RAET1E: variants seen among roughly 807,000 people sequenced by gnomAD.
RAET1E encodes retinoic acid early transcript 1E, also known as NKG2D ligand 4.
A neutral mutation model predicts 21.1 loss-of-function variants in RAET1E; 27 were observed. The observed-to-expected ratio is 1.28, with a 90% confidence interval of 0.94 to 1.76. The LOEUF is 1.76. RAET1E is among the 40% of genes most tolerant of loss of function. The pLI is 0.00. For missense variants in RAET1E, 310 were observed against 311.3 expected, an observed-to-expected ratio of 1.00 and a Z score of 0.03; for synonymous variants, 113 against 115.0, an observed-to-expected ratio of 0.98 and a Z score of 0.11.
In RAET1E at chr6:149,889,621, G is replaced by A; in HGVS notation, c.349C>T (p.Pro117Ser). The change falls in exon 5 of 6, where the codon CCT becomes TCT. Residue 117 changes from proline to serine, a missense_variant and splice_region_variant. Transcript: ENST00000357183. ...AACATCTCGACTTGCAGAGTGGAAG[G>A]ATCTGCAATCCAAACACAAAGCCAT... ...DIKPQIKTSD[P>S]STLQVEMFCQ... The A allele has an allele frequency of 6.2e-7, 1 of 1,613,802 alleles. No individual in the cohort carries two copies.
rs1020439793 is a variant in RAET1E at position 149,895,043 on chromosome 6, G to A, written c.-134+803C>T. 5.9e-5 allele frequency among the ~76,000 whole-genome samples: 9 copies of A among 152,162 alleles called. 1 individual carries two copies. Among genetic ancestry groups the A allele is most frequent in the African/African-American group, 1.7e-4 (7 of 41,436 alleles). ...TGCTGCCAGTCTGCTGGAGTTTGCC[G>A]GTGGTCCACTCCCAACCCTGTTTAC... On this transcript the variant is annotated intron_variant, in intron 2 of 5. Coordinates refer to ENST00000357183, the MANE Select transcript of RAET1E (RefSeq NM_001394057.1).
In RAET1E at chr6:149,889,525, G is replaced by A; in HGVS notation, c.445C>T (p.Leu149Phe). Reference protein sequence around the residue: ...QFATNGEKSLLFDAMNMTWTV... With the variant: ...QFATNGEKSLFFDAMNMTWTV... ...CAGGTCATGTTCATTGCGTCAAAGA[G>A]GAGGGATTTCTCTCCATTGGTGGCG... The change falls in exon 5 of 6, where the codon CTC becomes TTC. Residue 149 changes from leucine (L) to phenylalanine (F), a missense_variant. Leu to Phe is a conservative substitution (Grantham distance 22). Transcript: ENST00000357183. 6.2e-7 allele frequency: 1 copy of A among 1,614,160 alleles called. No individual in the cohort carries two copies. Among genetic ancestry groups the A allele is most frequent in the African/African-American group, 1.3e-5 (1 of 75,030 alleles).
Position 149,887,383 on chromosome 6 carries a change from C to T in RAET1E, c.*1115G>A, listed in dbSNP as rs1777655340. On this transcript the variant is annotated 3_prime_UTR_variant, in exon 6 of 6. Coordinates refer to ENST00000357183, the MANE Select transcript of RAET1E (RefSeq NM_001394057.1). ...GCAGCTCTGTGGGTGGGACCCCTTC[C>T]TATCTCAGCATATTCACTCCCTGGG... Among the ~76,000 whole-genome samples the T allele has an allele frequency of 6.6e-6, 1 of 152,142 alleles. No individual in the cohort carries two copies. Among genetic ancestry groups the T allele is most frequent in the Non-Finnish European group, 1.5e-5 (1 of 68,022 alleles).
chr6:149,892,257 G>A (rs762879016), intron 2 of RAET1E, among the ~76,000 whole-genome samples: 6 of 152,076 alleles, frequency 3.9e-5, no homozygotes, highest in Non-Finnish European at 5.9e-5. Flanking sequence ...GGTATTTCTC[G>A]TTCTAGATCC....
Position 149,889,356 on chromosome 6 carries a change from T to C in RAET1E, c.614A>G (p.Glu205Gly), listed in dbSNP as rs1442190113. 6.2e-7 allele frequency: 1 copy of C among 1,614,120 alleles called. No homozygotes were observed. The highest frequency in any genetic ancestry group is 1.7e-5 in the Admixed American group (1 of 60,030). ...CCACCCAGCTCAGTTACCTGTCGGT[T>C]CTGGCATTGCCTCCCAGTGCCCTAA... ...EFLGHWEAMPEPTVSPVNASD... is the reference protein window; with the variant it reads ...EFLGHWEAMPGPTVSPVNASD... Residue 205 changes from glutamate (E) to glycine (G), a missense_variant, in exon 5 of 6, where the codon GAA (glutamate) becomes GGA (glycine). By Grantham distance (98) the Glu-to-Gly change is moderately conservative. Transcript: ENST00000357183.
At chr6:149,895,127 G>A (rs1336002448) in intron 2 of RAET1E, among the ~76,000 whole-genome samples, 1 of 152,216 alleles carries the variant, frequency 6.6e-6, no homozygotes, top group African/African-American at 2.4e-5. Context: ...TCCTTCCTCT[G>A]GAAGCTTTGA....
intron 2 of RAET1E, among the ~76,000 whole-genome samples, chr6:149,892,440 G>A (rs1316975846): frequency 1.3e-5 from 2 of 152,184 alleles, no homozygotes; most frequent in Non-Finnish European, 2.9e-5. Context: ...GTTTTGATTT[G>A]CATTTCTCTA....
In RAET1E at chr6:149,890,811, A is replaced by T; in HGVS notation, c.85+6T>A. On this transcript the variant is annotated splice_donor_region_variant and intron_variant, in intron 3 of 5. Transcript: ENST00000357183. Reference sequence around the variant, plus strand: ...CTCAGCCAGTTCTTGTGCTCAGGACACTCACCAACCATGATCTCCAAGGCT... The same window carrying T: ...CTCAGCCAGTTCTTGTGCTCAGGACTCTCACCAACCATGATCTCCAAGGCT... 6.2e-7 allele frequency: 1 copy of T among 1,606,094 alleles called. No individual in the cohort carries two copies. The highest frequency in any genetic ancestry group is 8.5e-7 in the Non-Finnish European group (1 of 1,172,998).
rs765889769 is a variant in RAET1E, at chr6:149,890,140, GA to G, written c.90del (p.His31ThrfsTer9). ...ATAGTGAAGTTGAAGCAAAGAGAGT[GA>G]CCACCTGTGAGACAAAGATGCAGGT... ...LLIALEIMVG[G>X]HSLCFNFTIK... On this transcript the variant is annotated frameshift_variant, in exon 4 of 6. Transcript: ENST00000357183. LOFTEE classifies it high-confidence loss of function. 5 of 1,613,842 alleles carry G rather than the reference GA, an allele frequency of 3.1e-6. No individual in the cohort carries two copies. The Admixed American group carries it at 8.3e-5, about 27-fold the overall frequency.
rs372354164 is a variant in RAET1E at position 149,888,453 on chromosome 6, G to A, written c.*45C>T. 2.5e-6 allele frequency: 4 copies of A among 1,598,056 alleles called. No homozygotes were observed. The highest frequency in any genetic ancestry group is 2.6e-6 in the Non-Finnish European group (3 of 1,170,870). On this transcript the variant is annotated 3_prime_UTR_variant, in exon 6 of 6. Coordinates refer to ENST00000357183, the MANE Select transcript of RAET1E (RefSeq NM_001394057.1). The stretch of plus-strand genomic sequence containing the variant: ...GAGAGAGATGGATCAGGGAGCGGGG[G>A]CTTGGATGAGACCCATGATTCACCT...
chr6:149,888,048 A>G lies in RAET1E; in HGVS notation c.*450T>C, dbSNP rs2115493726. The G allele has an allele frequency of 5.3e-6, 2 of 378,076 alleles. No individual in the cohort carries two copies. Among genetic ancestry groups the G allele is most frequent in the Non-Finnish European group, 1.0e-5 (2 of 191,400 alleles). 23.4% of individuals were successfully genotyped at this position (378,076 alleles called of 1,614,324 possible). A position where few individuals can be genotyped will look rare whatever the true frequency, so the allele number is the denominator to read the frequency against. On this transcript the variant is annotated 3_prime_UTR_variant, in exon 6 of 6. Coordinates refer to ENST00000357183, the MANE Select transcript of RAET1E (RefSeq NM_001394057.1). The stretch of plus-strand genomic sequence containing the variant: ...GAAACCCCATCTCTACTAAAAATGT[A>G]GGATGTAGTTCGGCACTGTAATGTT...
chr6:149,888,795 C>T, intron 5 of RAET1E, 128 bp from the exon 6 acceptor site: 1 of 1,345,558 alleles, frequency 7.4e-7, no homozygotes. Context: ...ATCACTGGCT[C>T]ATGTGACAGC....
chr6:149,889,123 A>G, intron 5 of RAET1E: 12 of 1,429,508 alleles, frequency 8.4e-6, no homozygotes, highest in Non-Finnish European at 1.1e-5. Flanking sequence ...TGACTGGATC[A>G]TTGGTTAATG....
chr6:149,885,641 T>C lies in RAET1E; in HGVS notation c.*2857A>G, dbSNP rs1777575618. ...TTGGGATTGAGCTGAAGATAGTCACTGACATGATTCAAAGGATTAGCACTT... is the reference window on the plus strand; with the variant it reads ...TTGGGATTGAGCTGAAGATAGTCACCGACATGATTCAAAGGATTAGCACTT... On this transcript the variant is annotated 3_prime_UTR_variant, in exon 6 of 6. Transcript: ENST00000357183. 6.6e-6 allele frequency: 1 copy of C among 152,372 alleles called. No individual in the cohort carries two copies. Among genetic ancestry groups the C allele is most frequent in the Admixed American group, 6.5e-5 (1 of 15,284 alleles). The allele number at this position is 152,372 out of a possible 1,614,324, so 9.4% of individuals were successfully genotyped here.
intron 1 of RAET1E, among the ~76,000 whole-genome samples, chr6:149,896,636 G>C (rs1274262865): frequency 7.0e-6 from 1 of 142,314 alleles, no homozygotes; most frequent in Non-Finnish European, 1.5e-5. Flanking sequence ...CAGAGTGTAT[G>C]TGTGTGTTTG....
rs187276858 is a variant in RAET1E, at chr6:149,886,540, C to T, written c.*1958G>A. Among the ~76,000 whole-genome samples the T allele has an allele frequency of 1.9e-4, 29 of 152,224 alleles. No individual in the cohort carries two copies. In the East Asian group the frequency reaches 5.2e-3, roughly 27 times the overall value. On this transcript the variant is annotated 3_prime_UTR_variant, in exon 6 of 6. Transcript: ENST00000357183. ...CTCCCGAGTAGCTGGGATTACAGGC[C>T]CATGCCACCACACCCGGCTAATTTT...
intron 2 of RAET1E, among the ~76,000 whole-genome samples, chr6:149,892,960 G>A (rs1489226929): frequency 1.3e-5 from 2 of 152,112 alleles, no homozygotes; most frequent in Non-Finnish European, 2.9e-5. Context: ...TATTAAACAG[G>A]GGATCTTTTC....
intron 2 of RAET1E, among the ~76,000 whole-genome samples, chr6:149,894,180 G>A (rs1778023304): frequency 6.6e-6 from 1 of 152,134 alleles, no homozygotes; most frequent in Non-Finnish European, 1.5e-5. Context: ...GCCAGGTTTT[G>A]GTATCAGGAT....
chr6:149,897,386 A>G (rs1475583568), intron 1 of RAET1E, among the ~76,000 whole-genome samples: 1 of 152,202 alleles, frequency 6.6e-6, no homozygotes, highest in Non-Finnish European at 1.5e-5. Flanking sequence ...AAGTGAAACC[A>G]ATAATTTCAC....
Sources: gnomAD v4.1 joint callset for allele counts (sites outside exome capture counted in the v4.1 genomes callset) on GRCh38, gnomAD v4.1.1 for gene constraint, MANE v1.5 for transcripts, NCBI Gene and HGNC (gene_info 2026-07-23, HGNC 2026-07-21) for gene names.